Variants in NRG3 observed in about 807,000 individuals in gnomAD.
NRG3 encodes the protein pro-neuregulin-3, membrane-bound isoform.
A neutral mutation model predicts 66.9 loss-of-function variants in NRG3; 31 were observed. The ratio of observed to expected loss-of-function variants is 0.46; its 90% CI spans 0.35 to 0.63. The LOEUF (loss-of-function observed/expected upper bound fraction) is 0.63, where lower values mean the gene tolerates loss of function less well. Among genes scored for constraint, NRG3 ranks in the 20% least tolerant of loss-of-function variants. NRG3 has a pLI of 0.00. For synonymous variants in NRG3, 393 were observed against 359.4 expected, an observed-to-expected ratio of 1.09 and a Z score of -1.06; for missense variants, 910 against 878.9, an observed-to-expected ratio of 1.04 and a Z score of -0.45.
intron 4 of NRG3, among the ~76,000 whole-genome samples, chr10:82,887,239 T>C (rs1031158458): frequency 5.3e-5 from 8 of 152,182 alleles, no homozygotes; most frequent in Admixed American, 3.9e-4. Context: ...TGCTGGACAA[T>C]TGGATTTTCA....
Position 82,589,781 on chromosome 10 carries a change from A to G in NRG3, c.954-148796A>G, listed in dbSNP as rs540071131. On this transcript the variant is annotated intron_variant, in intron 2 of 8. Coordinates refer to ENST00000372141, the MANE Select transcript of NRG3 (RefSeq NM_001010848.4). Reference sequence around the variant, plus strand: ...GGATTCACTTTTTCATGTATCATATATTTGCAATTTCCCATTGACTAGGGT... The same window carrying G: ...GGATTCACTTTTTCATGTATCATATGTTTGCAATTTCCCATTGACTAGGGT... Among the ~76,000 whole-genome samples, 113 of 152,298 alleles carry G rather than the reference A, an allele frequency of 7.4e-4. 1 individual carries two copies. The highest frequency in any genetic ancestry group is 2.6e-3 in the African/African-American group (109 of 41,568).
chr10:82,876,612 A>G lies in NRG3; in HGVS notation c.1054+11175A>G, dbSNP rs573275144. Reference sequence around the variant, plus strand: ...TTAGTCAGTATCAAGTTGATTACTTACATATGCCAAATATCTCAACTGCAC... The same window carrying G: ...TTAGTCAGTATCAAGTTGATTACTTGCATATGCCAAATATCTCAACTGCAC... On this transcript the variant is annotated intron_variant, in intron 4 of 8. Transcript: ENST00000372141. Among the ~76,000 whole-genome samples the G allele has an allele frequency of 2.1e-3, 317 of 152,362 alleles. 2 individuals are homozygous for G. The highest frequency in any genetic ancestry group is 7.3e-3 in the African/African-American group (305 of 41,588).
chr10:82,519,601 T>C (rs1225195402), intron 2 of NRG3, among the ~76,000 whole-genome samples: 1 of 152,154 alleles, frequency 6.6e-6, no homozygotes, highest in Admixed American at 6.6e-5. Flanking sequence ...TGGTCCCATC[T>C]CTCTTCTGGG....
chr10:82,579,164 T>TA (rs767158361), intron 2 of NRG3, among the ~76,000 whole-genome samples: 9 of 151,358 alleles, frequency 5.9e-5, no homozygotes, highest in South Asian at 2.1e-4. Flanking sequence ...AAATCATCCT[T>TA]AAAAAAAACA....
chr10:81,957,633 C>T (rs747588295), intron 1 of NRG3, among the ~76,000 whole-genome samples: 1 of 152,158 alleles, frequency 6.6e-6, no homozygotes, highest in Non-Finnish European at 1.5e-5. Flanking sequence ...TAGGTGGTGC[C>T]TGGCATGTAC....
chr10:82,359,593 A>G (rs2083992465), intron 2 of NRG3, among the ~76,000 whole-genome samples: 1 of 152,232 alleles, frequency 6.6e-6, no homozygotes, highest in Non-Finnish European at 1.5e-5. Context: ...TTAAGACTCA[A>G]TAGAAGAATC....
intron 1 of NRG3, among the ~76,000 whole-genome samples, chr10:82,132,147 T>C (rs958125402): frequency 1.3e-5 from 2 of 152,056 alleles, no homozygotes; most frequent in Non-Finnish European, 1.5e-5. Flanking sequence ...TTGTTCCCTG[T>C]TTAGTATGAT....
intron 2 of NRG3, among the ~76,000 whole-genome samples, chr10:82,514,996 A>G (rs1053603185): frequency 6.6e-6 from 1 of 152,266 alleles, no homozygotes; most frequent in East Asian, 1.9e-4. Flanking sequence ...TCCAAAGATA[A>G]TAATACAAGC....
At chr10:82,800,978 A>G (rs2061009974) in intron 3 of NRG3, among the ~76,000 whole-genome samples, 1 of 152,198 alleles carries the variant, frequency 6.6e-6, no homozygotes, top group Admixed American at 6.5e-5. Flanking sequence ...GAAGGTGGGA[A>G]AGAATTGAAT....
In NRG3 at chr10:82,942,702, A is replaced by G. The variant is rs138595229; in HGVS notation, c.1055-8767A>G. Among the ~76,000 whole-genome samples the G allele has an allele frequency of 2.9e-3, 438 of 152,334 alleles. 4 individuals carry two copies. Among genetic ancestry groups the G allele is most frequent in the African/African-American group, 0.01 (426 of 41,576 alleles). On this transcript the variant is annotated intron_variant, in intron 4 of 8. Coordinates refer to ENST00000372141, the MANE Select transcript of NRG3 (RefSeq NM_001010848.4). The stretch of plus-strand genomic sequence containing the variant: ...CTCACTCCAGGACTCATCTCACTCC[A>G]GGAGCAGAATGCATGGTTGTTGCAT...
intron 4 of NRG3, among the ~76,000 whole-genome samples, chr10:82,870,936 T>C (rs1157068495): frequency 6.6e-6 from 1 of 152,212 alleles, no homozygotes; most frequent in African/African-American, 2.4e-5. Flanking sequence ...AAAGTCCAGA[T>C]TATAAAATCT....
chr10:82,407,047 A>T, intron 2 of NRG3, among the ~76,000 whole-genome samples: 1 of 146,810 alleles, frequency 6.8e-6, no homozygotes, highest in Non-Finnish European at 1.5e-5. Context: ...TTTTGTAAGA[A>T]CCACCCACCC....
intron 2 of NRG3, among the ~76,000 whole-genome samples, chr10:82,643,180 C>G (rs950315119): frequency 2.6e-5 from 4 of 152,018 alleles, no homozygotes; most frequent in Non-Finnish European, 4.4e-5. Flanking sequence ...CTTGTAGCTC[C>G]CATAATTCCC....
chr10:82,888,947 A>G (rs1178561035), intron 4 of NRG3, among the ~76,000 whole-genome samples: 2 of 152,136 alleles, frequency 1.3e-5, no homozygotes, highest in Non-Finnish European at 2.9e-5. Flanking sequence ...GCGCAAGGCA[A>G]CTGTGACTGG....
At chr10:82,154,764 T>G (rs2071059493) in intron 1 of NRG3, among the ~76,000 whole-genome samples, 2 of 151,804 alleles carry the variant, frequency 1.3e-5, no homozygotes, top group African/African-American at 4.8e-5. Context: ...TTTTTGGTTT[T>G]CACTTCCTCA....
intron 2 of NRG3, among the ~76,000 whole-genome samples, chr10:82,575,302 A>T (rs1404242591): frequency 6.6e-6 from 1 of 151,782 alleles, no homozygotes; most frequent in Non-Finnish European, 1.5e-5. Flanking sequence ...AAGAAAGTTG[A>T]TAATCCTGGG....
chr10:82,674,378 AG>A (rs774097640), intron 2 of NRG3, among the ~76,000 whole-genome samples: 9 of 152,232 alleles, frequency 5.9e-5, no homozygotes, highest in Non-Finnish European at 1.3e-4. Context: ...TCAGGGTGAG[AG>A]TTTAGAATCC....
chr10:82,216,013 G>A (rs2484885), intron 1 of NRG3, among the ~76,000 whole-genome samples: 16,066 of 125,928 alleles, frequency 0.13, 1,078 homozygotes, highest in Middle Eastern at 0.23. Flanking sequence ...TTTTGCCCAG[G>A]CTGGAGTGCA....
intron 2 of NRG3, among the ~76,000 whole-genome samples, chr10:82,443,248 C>T (rs552203631): frequency 6.6e-6 from 1 of 152,156 alleles, no homozygotes; most frequent in African/African-American, 2.4e-5. Flanking sequence ...CCACTTGACA[C>T]ATCACGATTA....
Sources: gnomAD v4.1 joint callset for allele counts (sites outside exome capture counted in the v4.1 genomes callset) on GRCh38, gnomAD v4.1.1 for gene constraint, MANE v1.5 for transcripts, NCBI Gene and HGNC (gene_info 2026-07-23, HGNC 2026-07-21) for gene names.